GALNT18: variants seen among roughly 807,000 people sequenced by gnomAD.
GALNT18 encodes the protein polypeptide N-acetylgalactosaminyltransferase 18, also known as GalNAc-transferase 18.
A neutral mutation model predicts 69.5 loss-of-function variants in GALNT18; 44 were observed. The observed-to-expected ratio is 0.63, with a 90% CI of 0.50 to 0.81. GALNT18 has a LOEUF of 0.81. GALNT18 is among the 40% of genes least tolerant of loss of function. GALNT18 has a pLI of 0.00. For missense variants in GALNT18, 715 were observed against 810.0 expected (o/e 0.88, Z 1.42); for synonymous variants, 364 against 318.2 (o/e 1.14, Z -1.53).
chr11:11,484,415 A>G (rs913295840), intron 1 of GALNT18, among the ~76,000 whole-genome samples: 1 of 151,924 alleles, frequency 6.6e-6, no homozygotes, highest in Admixed American at 6.6e-5. Flanking sequence ...CAACATGGAG[A>G]AACCCCCACC....
intron 6 of GALNT18, among the ~76,000 whole-genome samples, chr11:11,371,894 T>C (rs1010007288): frequency 6.6e-6 from 1 of 152,148 alleles, no homozygotes; most frequent in Non-Finnish European, 1.5e-5. Flanking sequence ...ACATAGAGCC[T>C]CTTGGGGATC....
At chr11:11,547,410 G>A (rs1268470261) in intron 1 of GALNT18, among the ~76,000 whole-genome samples, 2 of 152,318 alleles carry the variant, frequency 1.3e-5, no homozygotes, top group Non-Finnish European at 2.9e-5. Context: ...CAGATAATAA[G>A]GCCTGTGGGA....
In GALNT18 at chr11:11,463,201, GACAGACAGAC is replaced by G. The variant is rs1856083344; in HGVS notation, c.236-14275_236-14266del. Among the ~76,000 whole-genome samples, 1 of 110,270 alleles carries G rather than the reference GACAGACAGAC, an allele frequency of 9.1e-6. No homozygotes were observed. The highest frequency in any genetic ancestry group is 1.9e-5 in the Non-Finnish European group (1 of 52,536). 72.3% of individuals were successfully genotyped at this position (110,270 alleles called of 152,430 possible). On this transcript the variant is annotated intron_variant, in intron 1 of 10. Coordinates refer to ENST00000227756, the MANE Select transcript of GALNT18 (RefSeq NM_198516.3). The surrounding 1 kb of genome is among the most constrained non-coding windows in gnomAD (Gnocchi z 4.2). ...ACACATGGACATACACACTCAGACA[GACAGACAGAC>G]ACACACACACACACAGAGAGAGAGA...
chr11:11,316,680 C>T (rs1849761910), intron 9 of GALNT18, among the ~76,000 whole-genome samples: 1 of 152,204 alleles, frequency 6.6e-6, no homozygotes, highest in Non-Finnish European at 1.5e-5. Context: ...AAAAAGCACT[C>T]CCCCAAAAAC....
intron 3 of GALNT18, among the ~76,000 whole-genome samples, chr11:11,429,576 G>A (rs1855219523): frequency 6.6e-6 from 1 of 152,202 alleles, no homozygotes. Flanking sequence ...CACACATGAT[G>A]TGACCACTGC....
intron 1 of GALNT18, among the ~76,000 whole-genome samples, chr11:11,466,200 A>G (rs376222411): frequency 2.6e-5 from 4 of 152,236 alleles, no homozygotes; most frequent in Admixed American, 6.5e-5. Context: ...AATTGATTTC[A>G]TGGCCTGCTG....
rs534912619 is a variant in GALNT18 at position 11,451,206 on chromosome 11, A to G, written c.236-2270T>C. Among the ~76,000 whole-genome samples, 4 of 152,338 alleles carry G rather than the reference A, an allele frequency of 2.6e-5. No individual in the cohort carries two copies. In the East Asian group the frequency reaches 5.8e-4, roughly 22 times the overall value. On this transcript the variant is annotated intron_variant, in intron 1 of 10. Transcript: ENST00000227756. ...GGCATGCTTGAAGGGTAGCACAAGCATGCATGATCTTGAAGGTCCTTGTTA... is the reference window on the plus strand; with the variant it reads ...GGCATGCTTGAAGGGTAGCACAAGCGTGCATGATCTTGAAGGTCCTTGTTA...
At chr11:11,575,567 C>CA (rs1858905387) in intron 1 of GALNT18, among the ~76,000 whole-genome samples, 1 of 152,218 alleles carries the variant, frequency 6.6e-6, no homozygotes, top group Admixed American at 6.5e-5. Flanking sequence ...AAGATGACTT[C>CA]AAAATTCCTT....
In GALNT18 at chr11:11,320,468, A is replaced by C. The variant is rs571900020; in HGVS notation, c.1512+6618T>G. Among the ~76,000 whole-genome samples the C allele has an allele frequency of 1.3e-5, 2 of 152,332 alleles. No homozygotes were observed. The highest frequency in any genetic ancestry group is 4.1e-4 in the South Asian group (2 of 4,826). On this transcript the variant is annotated intron_variant, in intron 9 of 10. Transcript: ENST00000227756. This position sits in a 1 kb window ranked among gnomAD's most constrained non-coding sequence, Gnocchi z 4.9. ...AGAACTGCCAGTAGGAGGGGGTGAC[A>C]TCCCTGGAAATGCATGTTGAATGTT...
At chr11:11,334,984 T>G (rs1000216623) in intron 7 of GALNT18, among the ~76,000 whole-genome samples, 1 of 152,212 alleles carries the variant, frequency 6.6e-6, no homozygotes, top group Non-Finnish European at 1.5e-5. Flanking sequence ...CCATGGTACT[T>G]TATCCTTATA....
chr11:11,472,389 T>TC (rs1258946003), intron 1 of GALNT18, among the ~76,000 whole-genome samples: 4 of 152,202 alleles, frequency 2.6e-5, no homozygotes, highest in Non-Finnish European at 4.4e-5. Flanking sequence ...TCTCAGAGCT[T>TC]CCCTTTTCTG....
chr11:11,334,682 A>G (rs546164290), intron 7 of GALNT18, among the ~76,000 whole-genome samples: 1 of 152,342 alleles, frequency 6.6e-6, no homozygotes, highest in African/African-American at 2.4e-5. Flanking sequence ...GAGCTATTTC[A>G]GCTTCCTAGT....
At position 11,592,551 on chromosome 11, in the gene GALNT18, G is replaced by C. The variant is rs1345293146; in HGVS notation, c.235+28808C>G. Among the ~76,000 whole-genome samples the C allele has an allele frequency of 1.3e-5, 2 of 152,096 alleles. No individual in the cohort carries two copies. The highest frequency in any genetic ancestry group is 2.9e-5 in the Non-Finnish European group (2 of 68,028). ...TACCCCCACACACAGCACACGCCCT[G>C]GGTCTGGCACAAGCTCAAAACAACT... On this transcript the variant is annotated intron_variant, in intron 1 of 10. Coordinates refer to ENST00000227756, the MANE Select transcript of GALNT18 (RefSeq NM_198516.3). This position sits in a 1 kb window ranked among gnomAD's most constrained non-coding sequence, Gnocchi z 5.9.
chr11:11,493,062 A>G (rs984769313), intron 1 of GALNT18, among the ~76,000 whole-genome samples: 2 of 151,996 alleles, frequency 1.3e-5, no homozygotes, highest in East Asian at 3.9e-4. Flanking sequence ...GGAGTTCAAG[A>G]TCAACCTGGC....
chr11:11,429,220 G>GAAATTA (rs1247720869), intron 3 of GALNT18, among the ~76,000 whole-genome samples: 1 of 152,176 alleles, frequency 6.6e-6, no homozygotes, highest in African/African-American at 2.4e-5. Context: ...TGAATAGACA[G>GAAATTA]TTCTCTTATT....
intron 1 of GALNT18, among the ~76,000 whole-genome samples, chr11:11,529,870 G>A (rs929342109): frequency 1.2e-4 from 19 of 152,224 alleles, no homozygotes; most frequent in Middle Eastern, 3.4e-3. Context: ...CTTTACCCAG[G>A]TTTAACTCTC....
rs565049309 is a variant in GALNT18, at chr11:11,435,245, T to C, written c.429-2458A>G. ...GTGTTCAGAGATGGGGGTTAACTAC[T>C]TCCCCCTACTCTCTTCCCTTCTTAC... is the stretch of plus-strand genomic sequence containing the variant. On this transcript the variant is annotated intron_variant, in intron 2 of 10. Transcript: ENST00000227756. This position sits in a 1 kb window ranked among gnomAD's most constrained non-coding sequence, Gnocchi z 4.4. 6.6e-6 allele frequency among the ~76,000 whole-genome samples: 1 copy of C among 152,228 alleles called. No homozygotes were observed. Among genetic ancestry groups the C allele is most frequent in the East Asian group, 1.9e-4 (1 of 5,172 alleles).
chr11:11,445,484 A>G (rs760416470), intron 2 of GALNT18, among the ~76,000 whole-genome samples: 2 of 152,250 alleles, frequency 1.3e-5, no homozygotes, highest in Non-Finnish European at 2.9e-5. Flanking sequence ...AGGATGAGCC[A>G]AGCAATGGCC....
intron 1 of GALNT18, among the ~76,000 whole-genome samples, chr11:11,544,230 G>A (rs1345132040): frequency 2.0e-5 from 3 of 152,172 alleles, no homozygotes; most frequent in Non-Finnish European, 2.9e-5. Flanking sequence ...ACATTGAGGG[G>A]ACCCAACCTT....
Sources: gnomAD v4.1 joint callset for allele counts (sites outside exome capture counted in the v4.1 genomes callset) on GRCh38, gnomAD v4.1.1 for gene constraint, Gnocchi (gnomAD v3.1) non-coding constraint, MANE v1.5 for transcripts, NCBI Gene and HGNC (gene_info 2026-07-23, HGNC 2026-07-21) for gene names.